Variants in PRKCA observed in about 807,000 individuals in gnomAD.
PRKCA encodes protein kinase C alpha type.
In PRKCA, 27 loss-of-function variants were observed where a neutral mutation model predicts 87.0. The observed-to-expected ratio is 0.31, with a 90% CI of 0.23 to 0.43. PRKCA has a LOEUF of 0.43. Ranked by LOEUF, PRKCA falls within the 20% of genes least tolerant of loss-of-function variation. The probability of loss-of-function intolerance (pLI) is 1.00; values close to 1 mark genes in which losing one functional copy is unlikely to be tolerated. For synonymous variants in PRKCA, 329 were observed against 311.1 expected (o/e 1.06, Z -0.61); for missense variants, 518 against 852.3 (o/e 0.61, Z 4.88).
chr17:66,646,676 G>C (rs1277443887), intron 5 of PRKCA, among the ~76,000 whole-genome samples: 1 of 152,084 alleles, frequency 6.6e-6, no homozygotes, highest in African/African-American at 2.4e-5. Flanking sequence ...GGGAAGGTGG[G>C]GACTTCCAAA....
chr17:66,654,421 C>CAT (rs34737326), intron 5 of PRKCA, among the ~76,000 whole-genome samples: 23,983 of 151,652 alleles, frequency 0.16, 2,038 homozygotes, highest in East Asian at 0.29. Flanking sequence ...ATCATCATCA[C>CAT]CAGCAGCAGC....
chr17:66,693,237 AG>A (rs1166238268), intron 8 of PRKCA, among the ~76,000 whole-genome samples: 1 of 152,238 alleles, frequency 6.6e-6, no homozygotes, highest in African/African-American at 2.4e-5. Flanking sequence ...CTGCTAGAGC[AG>A]TTCATCCTCC....
intron 13 of PRKCA, among the ~76,000 whole-genome samples, chr17:66,747,349 G>T (rs1296000915): frequency 6.6e-6 from 1 of 152,214 alleles, no homozygotes; most frequent in Non-Finnish European, 1.5e-5. Flanking sequence ...AGAATTACAG[G>T]CCTGAGCCAC....
Position 66,805,144 on chromosome 17 carries a change from T to C in PRKCA, c.*1107T>C. On this transcript the variant is annotated 3_prime_UTR_variant, in exon 17 of 17. Transcript: ENST00000413366. ...CCACTTAGGGATAAAAAGAATATGG[T>C]TTTGGTTCCCATTTCTAGTTCACGT... is the stretch of plus-strand genomic sequence containing the variant. The C allele has an allele frequency of 1.0e-6, 1 of 982,780 alleles. No homozygotes were observed. The highest frequency in any genetic ancestry group is 1.2e-6 in the Non-Finnish European group (1 of 827,478). 60.9% of individuals were successfully genotyped at this position (982,780 alleles called of 1,614,324 possible). A position where few individuals can be genotyped will look rare whatever the true frequency, so the allele number is the denominator to read the frequency against.
intron 3 of PRKCA, among the ~76,000 whole-genome samples, chr17:66,546,179 A>T (rs1286814945): frequency 6.6e-6 from 1 of 152,206 alleles, no homozygotes; most frequent in Non-Finnish European, 1.5e-5. Flanking sequence ...TTTACATGGG[A>T]TTATAATTTA....
intron 3 of PRKCA, among the ~76,000 whole-genome samples, chr17:66,615,909 G>A (rs1364650728): frequency 2.6e-5 from 4 of 152,164 alleles, no homozygotes; most frequent in African/African-American, 9.7e-5. Flanking sequence ...GACAGGAGGT[G>A]GATCTCTGGG....
intron 5 of PRKCA, chr17:66,677,525 C>G (rs1454684540): frequency 6.6e-6 from 1 of 152,230 alleles, no homozygotes; most frequent in Non-Finnish European, 1.5e-5. Flanking sequence ...TGATCTGGCT[C>G]TTTTTAGAAA....
intron 3 of PRKCA, among the ~76,000 whole-genome samples, chr17:66,516,380 C>T (rs1354519329): frequency 1.3e-5 from 2 of 152,150 alleles, no homozygotes; most frequent in Non-Finnish European, 2.9e-5. Context: ...CCCCTGCAAT[C>T]CCAGCACTTT....
At position 66,808,198 on chromosome 17, in the gene PRKCA, A is replaced by C. The variant is rs887205709; in HGVS notation, c.*4161A>C. The C allele has an allele frequency of 1.3e-5, 2 of 152,182 alleles. No individual in the cohort carries two copies. The highest frequency in any genetic ancestry group is 6.5e-5 in the Admixed American group (1 of 15,278). The allele number at this position is 152,182 out of a possible 1,614,324, so 9.4% of individuals were successfully genotyped here. A position where few individuals can be genotyped will look rare whatever the true frequency, so the allele number is the denominator to read the frequency against. On this transcript the variant is annotated 3_prime_UTR_variant, in exon 17 of 17. Coordinates refer to ENST00000413366, the MANE Select transcript of PRKCA (RefSeq NM_002737.3). ...CTGGCTTCCTGCCAAGAATTATGGC[A>C]GCTGAGGATGAATGGAGAAGTAAAA...
At chr17:66,313,300 A>G (rs1905162822) in intron 2 of PRKCA, among the ~76,000 whole-genome samples, 1 of 152,218 alleles carries the variant, frequency 6.6e-6, no homozygotes, top group African/African-American at 2.4e-5. Flanking sequence ...AAGCAAGTTT[A>G]TAATCCAAAG....
At chr17:66,441,538 T>C (rs1913757815) in intron 2 of PRKCA, among the ~76,000 whole-genome samples, 1 of 152,170 alleles carries the variant, frequency 6.6e-6, no homozygotes, top group Non-Finnish European at 1.5e-5. Flanking sequence ...AAAATGTTTA[T>C]TTTTGTACAT....
chr17:66,379,637 G>C (rs1048316723), intron 2 of PRKCA, among the ~76,000 whole-genome samples: 1 of 152,140 alleles, frequency 6.6e-6, no homozygotes, highest in African/African-American at 2.4e-5. Context: ...CTTTTTGCCT[G>C]TTCGGTTTTG....
intron 5 of PRKCA, among the ~76,000 whole-genome samples, chr17:66,675,409 C>A (rs1018153084): frequency 1.3e-5 from 2 of 152,184 alleles, no homozygotes; most frequent in South Asian, 2.1e-4. Flanking sequence ...AACATTCAGA[C>A]CACAGCACAG....
In PRKCA at chr17:66,804,069, C is replaced by T. The variant is rs62621676; in HGVS notation, c.*32C>T. 9,514 of 1,584,732 alleles carry T rather than the reference C, an allele frequency of 6.0e-3. 46 individuals carry two copies. Among genetic ancestry groups the T allele is most frequent in the Middle Eastern group, 0.02 (108 of 5,452 alleles). On this transcript the variant is annotated 3_prime_UTR_variant, in exon 17 of 17. Transcript: ENST00000413366. ...CCAGCGAGAACAAACACCTCCCCAG[C>T]CCCCAGCCCTCCCCGCAGTGGGAAG...
intron 3 of PRKCA, among the ~76,000 whole-genome samples, chr17:66,517,700 C>T (rs1339269712): frequency 1.3e-5 from 2 of 152,186 alleles, no homozygotes; most frequent in African/African-American, 4.8e-5. Context: ...GTTGTGGCCT[C>T]TTAGCATAAT....
At chr17:66,728,805 G>A (rs1973816657) in intron 8 of PRKCA, among the ~76,000 whole-genome samples, 1 of 152,230 alleles carries the variant, frequency 6.6e-6, no homozygotes, top group East Asian at 1.9e-4. Context: ...CGGAATGACT[G>A]TCTGGGAATG....
chr17:66,706,865 A>G (rs1425058507), intron 8 of PRKCA, among the ~76,000 whole-genome samples: 1 of 152,184 alleles, frequency 6.6e-6, no homozygotes, highest in Non-Finnish European at 1.5e-5. Flanking sequence ...GCCTAAATGT[A>G]TGCCCTCTGG....
At chr17:66,520,368 G>A (rs924480744) in intron 3 of PRKCA, among the ~76,000 whole-genome samples, 4 of 152,086 alleles carry the variant, frequency 2.6e-5, no homozygotes, top group African/African-American at 4.8e-5. Flanking sequence ...TGATCCACCC[G>A]CCTCGGCCTC....
At position 66,804,061 on chromosome 17, in the gene PRKCA, C is replaced by T; in HGVS notation, c.*24C>T. The T allele has an allele frequency of 1.3e-6, 2 of 1,590,088 alleles. No homozygotes were observed. Among genetic ancestry groups the T allele is most frequent in the South Asian group, 1.1e-5 (1 of 90,312 alleles). On this transcript the variant is annotated 3_prime_UTR_variant, in exon 17 of 17. Transcript: ENST00000413366. ...GAAACTCACCAGCGAGAACAAACAC[C>T]TCCCCAGCCCCCAGCCCTCCCCGCA...
Sources: gnomAD v4.1 joint callset for allele counts (sites outside exome capture counted in the v4.1 genomes callset) on GRCh38, gnomAD v4.1.1 for gene constraint, MANE v1.5 for transcripts, NCBI Gene and HGNC (gene_info 2026-07-23, HGNC 2026-07-21) for gene names.